Variants in MSH3 observed in about 807,000 individuals in gnomAD.
MSH3 encodes mutS homolog 3.
In MSH3, 106 loss-of-function variants were observed where a neutral mutation model predicts 123.3. That is an observed-to-expected ratio of 0.86 (90% CI 0.73 to 1.01). The LOEUF (loss-of-function observed/expected upper bound fraction) is 1.01. Ranked by LOEUF, MSH3 falls within the 50% of genes least tolerant of loss-of-function variation. MSH3 has a pLI of 0.00. For synonymous variants in MSH3, 515 were observed against 481.4 expected (o/e 1.07, Z -0.91); for missense variants, 1,459 against 1,347.6 (o/e 1.08, Z -1.29).
chr5:80,782,261 G>A (rs1301629630), intron 17 of MSH3, among the ~76,000 whole-genome samples: 1 of 152,106 alleles, frequency 6.6e-6, no homozygotes, highest in Non-Finnish European at 1.5e-5. Context: ...CTTGATATCT[G>A]TGGGTTCTGC....
intron 12 of MSH3, among the ~76,000 whole-genome samples, chr5:80,751,821 C>T (rs961970967): frequency 6.6e-6 from 1 of 152,160 alleles, no homozygotes; most frequent in Admixed American, 6.5e-5. Context: ...ACAATTCAAC[C>T]CAAAACAAAT....
chr5:80,666,350 C>A (rs1481297655), intron 3 of MSH3, among the ~76,000 whole-genome samples: 1 of 152,110 alleles, frequency 6.6e-6, no homozygotes, highest in East Asian at 1.9e-4. Flanking sequence ...CAGAAAAATT[C>A]TCAAGCCAAC....
chr5:80,727,635 C>G (rs1271764014), intron 9 of MSH3, among the ~76,000 whole-genome samples: 1 of 152,066 alleles, frequency 6.6e-6, no homozygotes, highest in African/African-American at 2.4e-5. Flanking sequence ...TTTAACATAA[C>G]TGGGATTTAT....
intron 7 of MSH3, 26 bp from the exon 8 acceptor site, chr5:80,678,901 A>G: frequency 2.5e-6 from 4 of 1,613,410 alleles, no homozygotes; most frequent in Non-Finnish European, 3.4e-6. Flanking sequence ...TTTTTTCTGT[A>G]ACATTATATT....
intron 19 of MSH3, among the ~76,000 whole-genome samples, chr5:80,813,284 G>C (rs1055040379): frequency 6.6e-6 from 1 of 152,146 alleles, no homozygotes; most frequent in African/African-American, 2.4e-5. Flanking sequence ...TTAAACATAA[G>C]CAATAGGGAG....
At chr5:80,786,210 A>G (rs1385475360) in intron 17 of MSH3, among the ~76,000 whole-genome samples, 3 of 152,000 alleles carry the variant, frequency 2.0e-5, no homozygotes, top group African/African-American at 7.3e-5. Flanking sequence ...TTTTATTTCT[A>G]TGTATGCACA....
intron 8 of MSH3, among the ~76,000 whole-genome samples, chr5:80,699,583 G>A (rs1018127292): frequency 5.7e-5 from 8 of 140,068 alleles, no homozygotes; most frequent in Admixed American, 2.2e-4. Context: ...AAAAAAAAAG[G>A]TTGTTGGAGT....
chr5:80,661,307 G>A (rs1411984722), intron 2 of MSH3, among the ~76,000 whole-genome samples: 1 of 152,090 alleles, frequency 6.6e-6, no homozygotes, highest in Non-Finnish European at 1.5e-5. Context: ...GGTGTTATCT[G>A]TTAAGTCATT....
rs755472095 is a variant in MSH3 at position 80,654,902 on chromosome 5, G to A, written c.175G>A (p.Ala59Thr). Residue 59 changes from alanine (A) to threonine (T), a missense_variant, in exon 1 of 24, where the codon GCG becomes ACG. Coordinates refer to ENST00000265081, the MANE Select transcript of MSH3 (RefSeq NM_002439.5). ...PGAAAAAAAA[A>T]AAAPPAPPAP... ...CGCTGCAGCGGCTGCAGCGGCCGCA[G>A]CGGCCGCAGCGCCCCCAGCGCCCCC... 2 of 1,536,920 alleles carry A rather than the reference G, an allele frequency of 1.3e-6. No homozygotes were observed. Among genetic ancestry groups the A allele is most frequent in the African/African-American group, 1.6e-5 (1 of 64,458 alleles).
chr5:80,705,672 A>G (rs887880063), intron 8 of MSH3, among the ~76,000 whole-genome samples: 1 of 152,220 alleles, frequency 6.6e-6, no homozygotes, highest in African/African-American at 2.4e-5. Flanking sequence ...ATATCAAAGT[A>G]TGAACAGTAT....
chr5:80,721,354 G>A (rs1751073823), intron 8 of MSH3, among the ~76,000 whole-genome samples: 1 of 152,136 alleles, frequency 6.6e-6, no homozygotes, highest in Non-Finnish European at 1.5e-5. Context: ...TTGCATCACT[G>A]GTTTTGTGAA....
At position 80,656,408 on chromosome 5, in the gene MSH3, T is replaced by C. The variant is rs369066480; in HGVS notation, c.238-3T>C. 68 of 1,614,002 alleles carry C rather than the reference T, an allele frequency of 4.2e-5. No homozygotes were observed. The highest frequency in any genetic ancestry group is 5.3e-5 in the Non-Finnish European group (62 of 1,179,972). ...ACATCATTTTCTAACCTTCCCGATA[T>C]AGGCTACAGAAATTGACAGAAGAAA... On this transcript the variant is annotated splice_polypyrimidine_tract_variant and splice_region_variant and intron_variant, in intron 1 of 23. Coordinates refer to ENST00000265081, the MANE Select transcript of MSH3 (RefSeq NM_002439.5).
intron 8 of MSH3, among the ~76,000 whole-genome samples, chr5:80,691,369 A>G (rs1750240299): frequency 6.6e-6 from 1 of 151,838 alleles, no homozygotes; most frequent in Non-Finnish European, 1.5e-5. Context: ...ATTATCTAAG[A>G]CTCTATTTAC....
chr5:80,722,589 C>T (rs1751103868), intron 8 of MSH3, among the ~76,000 whole-genome samples: 1 of 152,112 alleles, frequency 6.6e-6, no homozygotes. Flanking sequence ...CGGGCCCCAC[C>T]CAACACCTGT....
intron 8 of MSH3, among the ~76,000 whole-genome samples, chr5:80,686,588 T>C (rs1436192436): frequency 6.6e-6 from 1 of 152,078 alleles, no homozygotes; most frequent in Non-Finnish European, 1.5e-5. Flanking sequence ...ACAATTATCG[T>C]ATCCTTTTGC....
At chr5:80,803,639 G>T (rs1744834147) in intron 19 of MSH3, among the ~76,000 whole-genome samples, 1 of 151,798 alleles carries the variant, frequency 6.6e-6, no homozygotes, top group South Asian at 2.1e-4. Flanking sequence ...TATTTCTCAA[G>T]AAGTTATTGC....
chr5:80,713,316 G>A (rs1236327115), intron 8 of MSH3, among the ~76,000 whole-genome samples: 2 of 152,154 alleles, frequency 1.3e-5, no homozygotes, highest in Non-Finnish European at 2.9e-5. Flanking sequence ...AGAGCATTTA[G>A]TTTTTCAAAA....
At chr5:80,772,994 C>T (rs576861026) in intron 15 of MSH3, among the ~76,000 whole-genome samples, 2 of 152,114 alleles carry the variant, frequency 1.3e-5, no homozygotes, top group Non-Finnish European at 2.9e-5. Context: ...TGTATGGTAG[C>T]CCGCTGTAGT....
chr5:80,654,993 C>A (rs1330541331), intron 1 of MSH3, 29 bp downstream of exon 1: 18 of 1,315,364 alleles, frequency 1.4e-5, no homozygotes, highest in Non-Finnish European at 1.8e-5. Flanking sequence ...TGGGCAGGGC[C>A]ATCGGGGCTG....
Sources: gnomAD v4.1 joint callset for allele counts (sites outside exome capture counted in the v4.1 genomes callset) on GRCh38, gnomAD v4.1.1 for gene constraint, MANE v1.5 for transcripts, NCBI Gene and HGNC (gene_info 2026-07-23, HGNC 2026-07-21) for gene names.